Variants in JADE1 observed in about 807,000 individuals in gnomAD.
JADE1 encodes the protein protein Jade-1.
A neutral mutation model predicts 81.8 loss-of-function variants in JADE1; 14 were observed. The observed-to-expected ratio is 0.17, with a 90% confidence interval of 0.11 to 0.27. The LOEUF (loss-of-function observed/expected upper bound fraction) is 0.27, where lower values mean the gene tolerates loss of function less well. Among genes scored for constraint, JADE1 ranks in the 10% least tolerant of loss-of-function variants. JADE1 has a pLI of 1.00. For synonymous variants in JADE1, 353 were observed against 391.9 expected (o/e 0.90, Z 1.17); for missense variants, 690 against 1,047.9 (o/e 0.66, Z 4.71).
chr4:128,849,820 C>T (rs1190097278), intron 5 of JADE1, among the ~76,000 whole-genome samples: 2 of 152,090 alleles, frequency 1.3e-5, no homozygotes, highest in East Asian at 3.9e-4. Flanking sequence ...GTATAGGTCT[C>T]ATCTCACATG....
intron 7 of JADE1, 79 bp from the exon 8 acceptor site, chr4:128,857,259 T>C: frequency 9.3e-7 from 1 of 1,074,198 alleles, no homozygotes; most frequent in Admixed American, 1.8e-5. Flanking sequence ...AGGAAAGTAA[T>C]GGATCTTTTA....
intron 7 of JADE1, among the ~76,000 whole-genome samples, chr4:128,856,590 C>T (rs1164401459): frequency 6.6e-6 from 1 of 152,142 alleles, no homozygotes; most frequent in Non-Finnish European, 1.5e-5. Context: ...GTGCCTCAAC[C>T]TTTTTAATTT....
intron 6 of JADE1, among the ~76,000 whole-genome samples, chr4:128,853,141 G>C (rs1704530756): frequency 6.6e-6 from 1 of 152,150 alleles, no homozygotes; most frequent in Non-Finnish European, 1.5e-5. Context: ...CTTCCAAAGT[G>C]CTGGGATTAC....
In JADE1 at chr4:128,846,482, A is replaced by G. The variant is rs756884134; in HGVS notation, c.246A>G (p.Lys82=). 4.3e-6 allele frequency: 7 copies of G among 1,614,206 alleles called. No individual in the cohort carries two copies. The South Asian group carries it at 7.7e-5, about 18-fold the overall frequency. ...ATCCCTGGAGACAGGAATGGGAGAA[A>G]GGGGTCCAGGTGCCTGTGAGCCCGG... The part of the protein sequence containing the change: ...LADPWRQEWE[K]GVQVPVSPGT... Residue 82 remains lysine (K), a synonymous_variant, in exon 4 of 11, where the codon AAA becomes AAG. Transcript: ENST00000226319. The surrounding 1 kb of genome is among the most constrained non-coding windows in gnomAD (Gnocchi z 4.0).
At position 128,857,375 on chromosome 4, in the gene JADE1, C is replaced by T; in HGVS notation, c.902C>T (p.Thr301Ile). Residue 301 changes from threonine to isoleucine, a missense_variant, in exon 8 of 11, where the codon ACC (threonine) becomes ATC (isoleucine). Around this residue, in one of 8 missense-constraint regions of JADE1, gnomAD observed 84 missense variants for 226.6 expected, o/e 0.37. Coordinates refer to ENST00000226319, the MANE Select transcript of JADE1 (RefSeq NM_199320.4). ...IGSPEKMEPITKVSHIPSSRW... is the reference protein window; with the variant it reads ...IGSPEKMEPIIKVSHIPSSRW... ...AGCCCAGAGAAGATGGAGCCCATCA[C>T]CAAGGTGTCACACATTCCCAGCAGC... 1.9e-6 allele frequency: 3 copies of T among 1,614,160 alleles called. No individual in the cohort carries two copies. The highest frequency in any genetic ancestry group is 2.5e-6 in the Non-Finnish European group (3 of 1,179,994).
intron 1 of JADE1, among the ~76,000 whole-genome samples, chr4:128,826,558 C>T (rs1407697858): frequency 1.8e-4 from 26 of 147,812 alleles, no homozygotes; most frequent in African/African-American, 3.0e-4. Context: ...TCAGTAGAGA[C>T]GGGGTTTTCC....
chr4:128,834,789 C>A (rs1728846936), intron 2 of JADE1, among the ~76,000 whole-genome samples: 1 of 151,962 alleles, frequency 6.6e-6, no homozygotes, highest in South Asian at 2.1e-4. Context: ...CCACCTTCTG[C>A]CTCCCAAAGT....
Position 128,854,564 on chromosome 4 carries a change from CTT to C in JADE1, c.697-1063_697-1062del, listed in dbSNP as rs532600289. On this transcript the variant is annotated intron_variant, in intron 6 of 10. Transcript: ENST00000226319. ...TCTGAGGCTTCCATCTGAAGTGTGACTTTTCTTTGCTCAACTCTCATCCTTGT... is the reference window on the plus strand; with the variant it reads ...TCTGAGGCTTCCATCTGAAGTGTGACTTCTTTGCTCAACTCTCATCCTTGT... Among the ~76,000 whole-genome samples the C allele has an allele frequency of 1.4e-3, 215 of 152,254 alleles. 1 individual carries two copies. Among genetic ancestry groups the C allele is most frequent in the African/African-American group, 4.9e-3 (204 of 41,536 alleles).
rs1056155701 is a variant in JADE1 at position 128,874,294 on chromosome 4, C to G, written c.*2032C>G. On this transcript the variant is annotated 3_prime_UTR_variant, in exon 11 of 11. Transcript: ENST00000226319. ...TAGAATTTATAGAGGGATAATTTGT[C>G]AAGCCATAGAAAGAAAATCTAAATT... The G allele has an allele frequency of 2.0e-5, 3 of 152,432 alleles. No homozygotes were observed. The highest frequency in any genetic ancestry group is 2.9e-5 in the Non-Finnish European group (2 of 67,994). 9.4% of individuals were successfully genotyped at this position (152,432 alleles called of 1,614,324 possible).
At chr4:128,828,033 C>A in intron 1 of JADE1, 1 of 244,416 alleles carries the variant, frequency 4.1e-6, no homozygotes, top group Non-Finnish European at 6.6e-6. Flanking sequence ...TCCTGTAGAA[C>A]TCCGCATTTA....
intron 1 of JADE1, among the ~76,000 whole-genome samples, chr4:128,826,681 A>AT: frequency 6.6e-6 from 1 of 152,268 alleles, no homozygotes; most frequent in Non-Finnish European, 1.5e-5. Context: ...GATTACAGGC[A>AT]TGAGCCACTG....
At chr4:128,819,759 T>C (rs1727387271) in intron 1 of JADE1, among the ~76,000 whole-genome samples, 1 of 152,250 alleles carries the variant, frequency 6.6e-6, no homozygotes, top group African/African-American at 2.4e-5. Context: ...GTTCATTGAT[T>C]ACATTTTCAG....
chr4:128,848,778 T>C (rs1730090558), intron 4 of JADE1, among the ~76,000 whole-genome samples: 1 of 152,236 alleles, frequency 6.6e-6, no homozygotes, highest in African/African-American at 2.4e-5. Flanking sequence ...TCTACAGTGT[T>C]TTCATTTGTA....
chr4:128,864,337 G>A (rs1398450100), intron 9 of JADE1: 2 of 614,684 alleles, frequency 3.3e-6, no homozygotes, highest in South Asian at 7.2e-5. Flanking sequence ...TAGTAGAGAC[G>A]GTTTCACCAT....
rs1732361741 is a variant in JADE1, at chr4:128,873,490, A to G, written c.*1228A>G. ...GACTTTCTAATTGCAAATGGCAATA[A>G]CTATTAAGTTATCAGCAATAATAAA... On this transcript the variant is annotated 3_prime_UTR_variant, in exon 11 of 11. Coordinates refer to ENST00000226319, the MANE Select transcript of JADE1 (RefSeq NM_199320.4). 1 of 152,634 alleles carries G rather than the reference A, an allele frequency of 6.6e-6. No homozygotes were observed. Among genetic ancestry groups the G allele is most frequent in the Non-Finnish European group, 1.5e-5 (1 of 68,058 alleles). 9.5% of individuals were successfully genotyped at this position (152,634 alleles called of 1,614,324 possible).
intron 3 of JADE1, among the ~76,000 whole-genome samples, chr4:128,843,753 GCTTTGCTTTGTGCTGC>G (rs1390747923): frequency 7.9e-5 from 12 of 152,322 alleles, no homozygotes; most frequent in Non-Finnish European, 1.3e-4. Flanking sequence ...TTGGTTGAAT[GCTTTGCTTTGTGCTGC>G]TTCTTATGGG....
intron 7 of JADE1, among the ~76,000 whole-genome samples, chr4:128,856,810 T>C (rs1210840986): frequency 2.0e-5 from 3 of 152,234 alleles, no homozygotes; most frequent in African/African-American, 7.2e-5. Context: ...GGTTTGGTAT[T>C]GATGGGATAC....
intron 1 of JADE1, among the ~76,000 whole-genome samples, chr4:128,816,913 C>T (rs1727089892): frequency 6.6e-6 from 1 of 150,880 alleles, no homozygotes; most frequent in African/African-American, 2.4e-5. Context: ...AGTTCTTGCT[C>T]TGTCACCCAG....
intron 10 of JADE1, among the ~76,000 whole-genome samples, chr4:128,869,601 A>G (rs940669555): frequency 1.3e-5 from 2 of 152,182 alleles, no homozygotes; most frequent in South Asian, 2.1e-4. Context: ...TATTGCAGGC[A>G]GGTTTTTGCA....
Sources: gnomAD v4.1 joint callset for allele counts (sites outside exome capture counted in the v4.1 genomes callset) on GRCh38, gnomAD v4.1.1 for gene constraint, gnomAD v4.1.1 regional missense constraint, Gnocchi (gnomAD v3.1) non-coding constraint, MANE v1.5 for transcripts, NCBI Gene and HGNC (gene_info 2026-07-23, HGNC 2026-07-21) for gene names.